HHAT: variants seen among roughly 807,000 people sequenced by gnomAD.
The protein encoded by HHAT is hedgehog acyltransferase.
In HHAT, 47 loss-of-function variants were observed where a neutral mutation model predicts 70.8. The ratio of observed to expected loss-of-function variants is 0.66; its 90% CI spans 0.53 to 0.85. HHAT has a LOEUF of 0.85. Ranked by LOEUF, HHAT falls within the 40% of genes least tolerant of loss-of-function variation. The pLI is 0.00. For missense variants in HHAT, 609 were observed against 604.8 expected (o/e 1.01, Z -0.07); for synonymous variants, 228 against 247.6 (o/e 0.92, Z 0.74).
intron 9 of HHAT, among the ~76,000 whole-genome samples, chr1:210,586,046 T>C (rs1344239790): frequency 6.6e-6 from 1 of 152,154 alleles, no homozygotes; most frequent in African/African-American, 2.4e-5. Context: ...TAAAGTTTAG[T>C]CAAGGAGAGA....
intron 3 of HHAT, chr1:210,374,339 C>T (rs747619745): frequency 1.3e-5 from 2 of 152,114 alleles, no homozygotes; most frequent in Non-Finnish European, 2.9e-5. Context: ...GCCTACAGTT[C>T]GCACAAAAAG....
chr1:210,615,710 C>T (rs776037105), intron 10 of HHAT, among the ~76,000 whole-genome samples: 2 of 152,110 alleles, frequency 1.3e-5, no homozygotes, highest in Non-Finnish European at 2.9e-5. Flanking sequence ...CACTCCAGAC[C>T]CTGTTTGCCT....
At chr1:210,500,548 C>T (rs78593732) in intron 8 of HHAT, among the ~76,000 whole-genome samples, 1,849 of 152,166 alleles carry the variant, frequency 0.012, 36 homozygotes, top group African/African-American at 0.041. Context: ...GCTGTCTGTA[C>T]GTAATTTTTG....
In HHAT at chr1:210,497,788, CAG is replaced by C; in HGVS notation, c.1008-15362_1008-15361del. 2.0e-5 allele frequency among the ~76,000 whole-genome samples: 3 copies of C among 146,580 alleles called. No homozygotes were observed. In the South Asian group the frequency reaches 6.5e-4, roughly 32 times the overall value. On this transcript the variant is annotated intron_variant, in intron 8 of 11. Transcript: ENST00000261458. ...CTAATTTTTTTTTTTTTTTTTGAGA[CAG>C]AGTCTGGCTCTGTTGCCCAGGCTGG...
chr1:210,651,657 C>A (rs1317259585), intron 11 of HHAT, among the ~76,000 whole-genome samples: 1 of 152,164 alleles, frequency 6.6e-6, no homozygotes, highest in Non-Finnish European at 1.5e-5. Context: ...CTGCTGCCTT[C>A]TAGGGCTGGA....
chr1:210,497,069 ATTC>A (rs1407495898), intron 8 of HHAT, among the ~76,000 whole-genome samples: 3 of 152,122 alleles, frequency 2.0e-5, no homozygotes, highest in Non-Finnish European at 2.9e-5. Context: ...CTGCCTGTTT[ATTC>A]TTCTTATGAG....
chr1:210,623,202 G>A (rs1669198600), intron 10 of HHAT, among the ~76,000 whole-genome samples: 1 of 152,134 alleles, frequency 6.6e-6, no homozygotes, highest in African/African-American at 2.4e-5. Context: ...CTCCCGAGTA[G>A]CTGGGACTAC....
chr1:210,543,793 A>G (rs2095454774), intron 9 of HHAT, among the ~76,000 whole-genome samples: 1 of 152,128 alleles, frequency 6.6e-6, no homozygotes, highest in African/African-American at 2.4e-5. Context: ...TTAACAGAGC[A>G]TGGATGAGAA....
chr1:210,608,706 G>A (rs1665999865), intron 10 of HHAT, among the ~76,000 whole-genome samples: 1 of 152,264 alleles, frequency 6.6e-6, no homozygotes, highest in African/African-American at 2.4e-5. Context: ...CTGAGACAGG[G>A]TAATTTATGA....
At chr1:210,479,932 C>G (rs2094366517) in intron 8 of HHAT, among the ~76,000 whole-genome samples, 4 of 152,198 alleles carry the variant, frequency 2.6e-5, no homozygotes. Flanking sequence ...CTTACTAGTT[C>G]TGTCACCTCG....
intron 9 of HHAT, among the ~76,000 whole-genome samples, chr1:210,524,972 C>T (rs2095223768): frequency 6.6e-6 from 1 of 152,026 alleles, no homozygotes; most frequent in Admixed American, 6.6e-5. Context: ...TAGGCTCTCT[C>T]CAGAAGCATG....
chr1:210,415,073 T>A (rs1422936579), intron 6 of HHAT, among the ~76,000 whole-genome samples: 1 of 152,208 alleles, frequency 6.6e-6, no homozygotes, highest in Non-Finnish European at 1.5e-5. Flanking sequence ...CATCCAAAGA[T>A]GACCACTTTT....
chr1:210,563,475 G>A (rs896726615), intron 9 of HHAT, among the ~76,000 whole-genome samples: 5 of 152,148 alleles, frequency 3.3e-5, no homozygotes, highest in Admixed American at 2.0e-4. Context: ...GCACGATGGG[G>A]AGGGTTCTTC....
chr1:210,368,093 G>T (rs577128460), intron 3 of HHAT, among the ~76,000 whole-genome samples: 2 of 152,026 alleles, frequency 1.3e-5, no homozygotes, highest in Non-Finnish European at 2.9e-5. Flanking sequence ...TTGCGTGCTC[G>T]ATGAAGTAAA....
rs771092588 is a variant in HHAT, at chr1:210,605,645, CTG to C, written c.1245+17547_1245+17548del. 4.5e-4 allele frequency among the ~76,000 whole-genome samples: 69 copies of C among 152,278 alleles called. 1 individual carries two copies. Among genetic ancestry groups the C allele is most frequent in the Non-Finnish European group, 7.2e-4 (49 of 68,034 alleles). ...TATTCCCATTTTACCAGGAGAAAAA[CTG>C]AAACCTGAAAGTTTAAGTAAGATAC... On this transcript the variant is annotated intron_variant, in intron 10 of 11. Transcript: ENST00000261458.
At position 210,348,952 on chromosome 1, in the gene HHAT, C is replaced by T. The variant is rs768828594; in HGVS notation, c.-24C>T. On this transcript the variant is annotated 5_prime_UTR_variant, in exon 2 of 12. Transcript: ENST00000261458. ...TCTCAGAAACTCTCAGCGTAGGCAT[C>T]GGGAACCTTCGTGCCAAGGAGCCAT... 7.1e-5 allele frequency: 115 copies of T among 1,611,520 alleles called. No individual in the cohort carries two copies. The highest frequency in any genetic ancestry group is 4.0e-4 in the Admixed American group (24 of 59,410).
chr1:210,350,558 T>A (rs1367864722), intron 2 of HHAT, among the ~76,000 whole-genome samples: 3 of 152,254 alleles, frequency 2.0e-5, no homozygotes, highest in Non-Finnish European at 1.5e-5. Flanking sequence ...GTTTTAAATT[T>A]CAAATTCTAC....
chr1:210,504,809 C>T (rs763883475), intron 8 of HHAT, among the ~76,000 whole-genome samples: 4 of 152,066 alleles, frequency 2.6e-5, no homozygotes, highest in South Asian at 2.1e-4. Flanking sequence ...TTTCACAAAA[C>T]GTGTTTGACT....
At chr1:210,589,289 C>T (rs1661150130) in intron 10 of HHAT, 1 of 152,006 alleles carries the variant, frequency 6.6e-6, no homozygotes, top group Non-Finnish European at 1.5e-5. Flanking sequence ...CTGAAATAAA[C>T]CGAGTAGTCA....
Sources: allele counts gnomAD v4.1 joint callset (sites outside exome capture counted in the v4.1 genomes callset), GRCh38; gene constraint gnomAD v4.1.1; transcripts MANE v1.5; gene names NCBI Gene and HGNC (gene_info 2026-07-23, HGNC 2026-07-21).